Variants in GRM7 observed in about 807,000 individuals in gnomAD.
GRM7 encodes glutamate metabotropic receptor 7, also known as metabotropic glutamate receptor 7.
Under a neutral mutation model 84.5 loss-of-function variants are expected in GRM7, and 35 were observed. That is an observed-to-expected ratio of 0.41 (90% confidence interval 0.32 to 0.55). GRM7 has a LOEUF of 0.55. Among genes scored for constraint, GRM7 ranks in the 20% least tolerant of loss-of-function variants. The pLI, the probability that GRM7 is intolerant of heterozygous loss-of-function variation, is 0.19. For missense variants in GRM7, 1,003 were observed against 1,194.6 expected (o/e 0.84, Z 2.36); for synonymous variants, 487 against 455.1 (o/e 1.07, Z -0.89).
chr3:7,267,744 A>G (rs375662877), intron 2 of GRM7, among the ~76,000 whole-genome samples: 11 of 152,276 alleles, frequency 7.2e-5, no homozygotes, highest in East Asian at 3.9e-4. Flanking sequence ...GAGGGATGAG[A>G]AAGGAATCAT....
At chr3:7,683,587 C>A (rs1700464299) in intron 9 of GRM7, among the ~76,000 whole-genome samples, 1 of 152,136 alleles carries the variant, frequency 6.6e-6, no homozygotes, top group Non-Finnish European at 1.5e-5. Context: ...AAAAAAGAAT[C>A]CAAAGAGCTT....
At chr3:7,488,346 G>C (rs573020490) in intron 7 of GRM7, among the ~76,000 whole-genome samples, 25 of 152,046 alleles carry the variant, frequency 1.6e-4, no homozygotes, top group Non-Finnish European at 2.9e-4. Context: ...AGAATGCAAC[G>C]GTTTGGATAT....
chr3:7,011,317 A>G (rs1003127447), intron 1 of GRM7, among the ~76,000 whole-genome samples: 1 of 152,210 alleles, frequency 6.6e-6, no homozygotes, highest in African/African-American at 2.4e-5. Flanking sequence ...GCTCTCTGTA[A>G]ATAAAAGAAA....
intron 2 of GRM7, among the ~76,000 whole-genome samples, chr3:7,165,983 C>A (rs550216396): frequency 1.3e-5 from 2 of 152,204 alleles, no homozygotes; most frequent in South Asian, 4.1e-4. Flanking sequence ...AAGAGAAAAA[C>A]TTGACTTTCA....
At chr3:7,305,349 T>TCCTGCC (rs1486852422) in intron 3 of GRM7, among the ~76,000 whole-genome samples, 2 of 51,972 alleles carry the variant, frequency 3.8e-5, no homozygotes, top group Non-Finnish European at 5.4e-5. Context: ...TTTTCTTTTT[T>TCCTGCC]TTTTTTTTTA....
At chr3:7,399,672 A>G (rs1167837087) in intron 4 of GRM7, among the ~76,000 whole-genome samples, 1 of 152,112 alleles carries the variant, frequency 6.6e-6, no homozygotes, top group Admixed American at 6.5e-5. Flanking sequence ...TGGCATCCTT[A>G]CTGTAATGAA....
chr3:7,056,358 G>C (rs2133439), intron 1 of GRM7, among the ~76,000 whole-genome samples: 150,534 of 152,008 alleles, frequency 0.99, 74,541 homozygotes, highest in East Asian at 1. Context: ...TGCCTTTTAG[G>C]TTTACTTTCT....
chr3:7,485,620 A>G (rs1378954910), intron 7 of GRM7, among the ~76,000 whole-genome samples: 1 of 152,250 alleles, frequency 6.6e-6, no homozygotes, highest in Non-Finnish European at 1.5e-5. Context: ...CAAGATAAAC[A>G]TCAAATCCTC....
intron 8 of GRM7, chr3:7,607,292 A>G (rs1003482589): frequency 1.3e-5 from 2 of 151,916 alleles, no homozygotes; most frequent in Non-Finnish European, 2.9e-5. Flanking sequence ...TTCAGTTTCA[A>G]TAAGCATTGT....
chr3:7,514,970 C>G (rs1471737007), intron 7 of GRM7, among the ~76,000 whole-genome samples: 2 of 151,714 alleles, frequency 1.3e-5, no homozygotes, highest in East Asian at 3.9e-4. Flanking sequence ...TCACAGAAGA[C>G]ATCTAGTGCT....
At chr3:6,919,365 A>ATTT (rs60633616) in intron 1 of GRM7, among the ~76,000 whole-genome samples, 7 of 109,472 alleles carry the variant, frequency 6.4e-5, no homozygotes, top group African/African-American at 2.4e-4. Context: ...TGCCTGGCTA[A>ATTT]TTTTTTTTTT....
intron 9 of GRM7, among the ~76,000 whole-genome samples, chr3:7,734,034 A>G (rs1702415317): frequency 6.6e-6 from 1 of 152,222 alleles, no homozygotes; most frequent in Non-Finnish European, 1.5e-5. Flanking sequence ...ATAACAATAA[A>G]GATTGTATCT....
intron 7 of GRM7, among the ~76,000 whole-genome samples, chr3:7,557,883 C>T (rs1402965832): frequency 6.6e-6 from 1 of 151,996 alleles, no homozygotes; most frequent in Non-Finnish European, 1.5e-5. Context: ...GGGGAGTGAC[C>T]CTCAGAAATA....
At chr3:7,634,406 G>A (rs745499800) in intron 8 of GRM7, among the ~76,000 whole-genome samples, 6 of 139,680 alleles carry the variant, frequency 4.3e-5, no homozygotes, top group Non-Finnish European at 7.5e-5. Flanking sequence ...AACTGAAAGC[G>A]TATACCATTA....
In GRM7 at chr3:7,007,444, T is replaced by G. The variant is rs1695221482; in HGVS notation, c.520-139008T>G. Among the ~76,000 whole-genome samples, 3 of 152,210 alleles carry G rather than the reference T, an allele frequency of 2.0e-5. No homozygotes were observed. In the South Asian group the frequency reaches 6.2e-4, roughly 31 times the overall value. ...AAAAATAGAAATAATATCTGTTATC[T>G]CACTCATTCTCAGAGATTTGGGAAG... On this transcript the variant is annotated intron_variant, in intron 1 of 9. Coordinates refer to ENST00000357716, the MANE Select transcript of GRM7 (RefSeq NM_000844.4).
intron 1 of GRM7, among the ~76,000 whole-genome samples, chr3:6,994,138 A>G (rs997054290): frequency 7.9e-5 from 12 of 152,222 alleles, no homozygotes; most frequent in African/African-American, 2.7e-4. Flanking sequence ...AAGGAAGAAA[A>G]TATTGAGCCA....
intron 1 of GRM7, among the ~76,000 whole-genome samples, chr3:6,898,572 C>A (rs1022349245): frequency 1.3e-5 from 2 of 152,078 alleles, no homozygotes; most frequent in African/African-American, 4.8e-5. Flanking sequence ...CTACTCTCTT[C>A]ACCAAGACTA....
At chr3:7,235,858 A>T (rs906628635) in intron 2 of GRM7, among the ~76,000 whole-genome samples, 2 of 152,262 alleles carry the variant, frequency 1.3e-5, no homozygotes, top group Non-Finnish European at 1.5e-5. Flanking sequence ...GCTAAATGAT[A>T]GTACATACAG....
chr3:6,917,471 A>G (rs1696978997), intron 1 of GRM7, among the ~76,000 whole-genome samples: 1 of 150,480 alleles, frequency 6.6e-6, no homozygotes, highest in Non-Finnish European at 1.5e-5. Context: ...GAAAACTGGA[A>G]ATCAATGAAG....
Sources: allele counts gnomAD v4.1 joint callset (sites outside exome capture counted in the v4.1 genomes callset), GRCh38; gene constraint gnomAD v4.1.1; transcripts MANE v1.5; gene names NCBI Gene and HGNC (gene_info 2026-07-23, HGNC 2026-07-21).